The following SLC16A9 variants were observed in gnomAD, a reference collection of about 807,000 sequenced individuals.
SLC16A9 encodes solute carrier family 16 member 9.
In SLC16A9, 26 loss-of-function variants were observed where a neutral mutation model predicts 44.3. The ratio of observed to expected loss-of-function variants is 0.59; its 90% CI spans 0.43 to 0.81. The LOEUF (loss-of-function observed/expected upper bound fraction) is 0.81, where lower values mean the gene tolerates loss of function less well. Ranked by LOEUF, SLC16A9 falls within the 40% of genes least tolerant of loss-of-function variation. The pLI is 0.00. For missense variants in SLC16A9, 559 were observed against 595.8 expected (o/e 0.94, Z 0.64); for synonymous variants, 230 against 225.1 (o/e 1.02, Z -0.19).
At chr10:59,696,619 G>A (rs1175580434) in intron 1 of SLC16A9, among the ~76,000 whole-genome samples, 23 of 150,160 alleles carry the variant, frequency 1.5e-4, no homozygotes, top group Non-Finnish European at 3.0e-4. Context: ...GGAAAGTGAG[G>A]AGCGTCTCTG....
intron 4 of SLC16A9, among the ~76,000 whole-genome samples, chr10:59,660,698 A>C (rs1431201152): frequency 6.6e-6 from 1 of 152,196 alleles, no homozygotes; most frequent in Admixed American, 6.5e-5. Flanking sequence ...GAAACAAAAC[A>C]AAAAGAGAAA....
intron 1 of SLC16A9, among the ~76,000 whole-genome samples, chr10:59,702,550 T>C (rs1442437103): frequency 2.0e-5 from 3 of 152,228 alleles, no homozygotes; most frequent in African/African-American, 7.2e-5. Flanking sequence ...ATGTCATTCT[T>C]GTTTTATGTA....
chr10:59,656,625 T>A (rs1176745847), intron 4 of SLC16A9, among the ~76,000 whole-genome samples: 2 of 152,132 alleles, frequency 1.3e-5, no homozygotes, highest in Non-Finnish European at 1.5e-5. Flanking sequence ...TAATTTAGAG[T>A]TTCCTGGTGG....
At chr10:59,653,368 G>A (rs1230573946) in intron 5 of SLC16A9, among the ~76,000 whole-genome samples, 1 of 130,580 alleles carries the variant, frequency 7.7e-6, no homozygotes, top group African/African-American at 2.8e-5. Context: ...GGAGCTTGCG[G>A]TGAGCCGAGA....
chr10:59,684,627 C>A (rs966919216), intron 1 of SLC16A9, among the ~76,000 whole-genome samples: 1 of 152,072 alleles, frequency 6.6e-6, no homozygotes, highest in Admixed American at 6.6e-5. Flanking sequence ...CCACAGAGAA[C>A]CACTAATTTT....
At chr10:59,690,364 G>A (rs1840226273) in intron 1 of SLC16A9, among the ~76,000 whole-genome samples, 1 of 152,152 alleles carries the variant, frequency 6.6e-6, no homozygotes. Context: ...GGGAAGGTGT[G>A]TCCACGTGGA....
intron 3 of SLC16A9, among the ~76,000 whole-genome samples, chr10:59,671,055 G>A (rs1215647418): frequency 6.6e-6 from 1 of 152,148 alleles, no homozygotes; most frequent in Non-Finnish European, 1.5e-5. Context: ...TACGAGGTAG[G>A]TTTCTTAGCC....
At chr10:59,689,792 T>C (rs920334988) in intron 1 of SLC16A9, among the ~76,000 whole-genome samples, 1 of 152,222 alleles carries the variant, frequency 6.6e-6, no homozygotes, top group African/African-American at 2.4e-5. Flanking sequence ...TTGGTTCCAT[T>C]TGGGACAAAG....
intron 2 of SLC16A9, among the ~76,000 whole-genome samples, chr10:59,677,841 C>T: frequency 6.6e-6 from 1 of 151,840 alleles, no homozygotes; most frequent in Non-Finnish European, 1.5e-5. Flanking sequence ...ACTCAACCTC[C>T]ACGCACTTTT....
intron 4 of SLC16A9, among the ~76,000 whole-genome samples, chr10:59,658,868 C>T (rs1839407681): frequency 6.6e-6 from 1 of 152,152 alleles, no homozygotes; most frequent in African/African-American, 2.4e-5. Context: ...CACTTTGTTG[C>T]CACTGGGTTG....
chr10:59,675,607 T>C (rs1421138376), intron 2 of SLC16A9, among the ~76,000 whole-genome samples: 1 of 152,208 alleles, frequency 6.6e-6, no homozygotes, highest in East Asian at 1.9e-4. Flanking sequence ...AAGTGGACTC[T>C]GGCATGCTCA....
At chr10:59,677,041 C>G (rs1387571554) in intron 2 of SLC16A9, among the ~76,000 whole-genome samples, 1 of 127,030 alleles carries the variant, frequency 7.9e-6, no homozygotes, top group African/African-American at 3.0e-5. Flanking sequence ...AAATGCAAGA[C>G]AGTAAGAAGA....
At chr10:59,653,482 C>T (rs1186946987) in intron 5 of SLC16A9, among the ~76,000 whole-genome samples, 193 bp downstream of exon 5, 1 of 120,006 alleles carries the variant, frequency 8.3e-6, no homozygotes, top group Non-Finnish European at 1.8e-5. Flanking sequence ...AAAGAGCGAA[C>T]ACAAATCCCA....
chr10:59,702,451 C>T lies in SLC16A9; in HGVS notation c.-37+7028G>A, dbSNP rs1409372284. On this transcript the variant is annotated intron_variant, in intron 1 of 5. Coordinates refer to ENST00000395348, the MANE Select transcript of SLC16A9 (RefSeq NM_194298.3). ...CTCATTACTGGGGCTAGGACAAGGG[C>T]AAATCGTGGCTCAAAACTGTCATTC... is the stretch of plus-strand genomic sequence containing the variant. Among the ~76,000 whole-genome samples the T allele has an allele frequency of 1.3e-5, 2 of 152,270 alleles. 1 individual carries two copies. The highest frequency in any genetic ancestry group is 3.9e-4 in the East Asian group (2 of 5,180).
At chr10:59,697,778 T>TAA (rs1052782490) in intron 1 of SLC16A9, among the ~76,000 whole-genome samples, 2 of 149,192 alleles carry the variant, frequency 1.3e-5, no homozygotes, top group African/African-American at 4.9e-5. Context: ...ATTAAAAAAA[T>TAA]AAAAAAATAA....
chr10:59,666,573 A>G (rs1230771639), intron 3 of SLC16A9, among the ~76,000 whole-genome samples: 1 of 152,190 alleles, frequency 6.6e-6, no homozygotes, highest in Non-Finnish European at 1.5e-5. Context: ...TTCCTAAGGA[A>G]CTAGACACTT....
At chr10:59,668,556 T>C (rs1807596784) in intron 3 of SLC16A9, among the ~76,000 whole-genome samples, 1 of 152,222 alleles carries the variant, frequency 6.6e-6, no homozygotes, top group Admixed American at 6.5e-5. Context: ...AGTCTATTCC[T>C]CCAACTAGAC....
At chr10:59,663,664 G>A (rs1158021596) in intron 4 of SLC16A9, among the ~76,000 whole-genome samples, 5 of 152,022 alleles carry the variant, frequency 3.3e-5, no homozygotes, top group African/African-American at 1.2e-4. Flanking sequence ...TGTAGATCAT[G>A]GGTTGATGGG....
chr10:59,686,295 G>C (rs368467955), intron 1 of SLC16A9, among the ~76,000 whole-genome samples: 3 of 151,928 alleles, frequency 2.0e-5, no homozygotes, highest in Admixed American at 6.6e-5. Context: ...GAAATATTTT[G>C]TAGCTATTCA....
Sources: allele counts gnomAD v4.1 joint callset (sites outside exome capture counted in the v4.1 genomes callset), GRCh38; gene constraint gnomAD v4.1.1; transcripts MANE v1.5; gene names NCBI Gene and HGNC (gene_info 2026-07-23, HGNC 2026-07-21).